The following CEP85L variants were observed in gnomAD, a reference collection of about 807,000 sequenced individuals.
CEP85L encodes the protein centrosomal protein of 85 kDa-like.
A neutral mutation model predicts 100.3 loss-of-function variants in CEP85L; 60 were observed. That is an observed-to-expected ratio of 0.60 (90% confidence interval 0.49 to 0.74). The LOEUF (loss-of-function observed/expected upper bound fraction) is 0.74. Among genes scored for constraint, CEP85L ranks in the 30% least tolerant of loss-of-function variants. The probability of loss-of-function intolerance (pLI) is 0.00; values close to 1 mark genes in which losing one functional copy is unlikely to be tolerated. For missense variants in CEP85L, 973 were observed against 936.2 expected (o/e 1.04, Z -0.51); for synonymous variants, 319 against 322.7 (o/e 0.99, Z 0.12).
rs187827922 is a variant in CEP85L at position 118,577,037 on chromosome 6, T to C, written c.233-10721A>G. ...TCCAAAATCCCACAGCCTGGGGCAG[T>C]AAGGCATGTCAAACCCTCTTGCTGC... On this transcript the variant is annotated intron_variant, in intron 2 of 12. Transcript: ENST00000368491. Among the ~76,000 whole-genome samples, 687 of 152,248 alleles carry C rather than the reference T, an allele frequency of 4.5e-3. 2 individuals carry two copies. The highest frequency in any genetic ancestry group is 6.0e-3 in the Non-Finnish European group (408 of 68,016).
chr6:118,483,976 G>T, intron 6 of CEP85L, 118 bp from the exon 7 acceptor site: 1 of 826,760 alleles, frequency 1.2e-6, no homozygotes, highest in Non-Finnish European at 1.9e-6. Context: ...TATAGCGAAG[G>T]CCACTAGCAA....
At chr6:118,670,387 C>G (rs867290448) in intron 1 of CEP85L, among the ~76,000 whole-genome samples, 7 of 152,038 alleles carry the variant, frequency 4.6e-5, no homozygotes, top group Non-Finnish European at 1.0e-4. Flanking sequence ...CTTCCACCCT[C>G]CACCCTCAAG....
At chr6:118,488,225 C>G (rs1430536570) in intron 6 of CEP85L, among the ~76,000 whole-genome samples, 1 of 151,846 alleles carries the variant, frequency 6.6e-6, no homozygotes. Flanking sequence ...GAAACCAAAT[C>G]TAATAAAACC....
At chr6:118,631,136 G>T (rs1774119355) in intron 2 of CEP85L, among the ~76,000 whole-genome samples, 1 of 152,118 alleles carries the variant, frequency 6.6e-6, no homozygotes, top group South Asian at 2.1e-4. Flanking sequence ...AGGAGATAAT[G>T]ACATTGGAGG....
intron 10 of CEP85L, among the ~76,000 whole-genome samples, chr6:118,472,856 A>T (rs185213033): frequency 6.6e-6 from 1 of 152,340 alleles, no homozygotes; most frequent in African/African-American, 2.4e-5. Flanking sequence ...CTGCCAAGGT[A>T]CTAACCTACA....
intron 3 of CEP85L, among the ~76,000 whole-genome samples, chr6:118,564,390 T>C (rs1287190579): frequency 6.6e-6 from 1 of 152,248 alleles, no homozygotes; most frequent in Non-Finnish European, 1.5e-5. Flanking sequence ...TGACAGTATT[T>C]GAAAAATTAG....
chr6:118,598,317 G>A (rs9489456), intron 2 of CEP85L, among the ~76,000 whole-genome samples: 103,440 of 152,054 alleles, frequency 0.68, 35,888 homozygotes, highest in Middle Eastern at 0.74. Context: ...GTTTAACCAC[G>A]TAGTGTGTAT....
chr6:118,577,804 C>A (rs1780329973), intron 2 of CEP85L, among the ~76,000 whole-genome samples: 1 of 152,170 alleles, frequency 6.6e-6, no homozygotes, highest in African/African-American at 2.4e-5. Flanking sequence ...TCTCTAGTCT[C>A]ACGGAAAAAT....
intron 3 of CEP85L, among the ~76,000 whole-genome samples, chr6:118,564,571 G>A (rs1029821067): frequency 2.0e-5 from 3 of 152,260 alleles, no homozygotes; most frequent in African/African-American, 7.2e-5. Context: ...TATGAATGTA[G>A]TATGTTAGGG....
chr6:118,474,470 T>TG (rs763742091), intron 10 of CEP85L, among the ~76,000 whole-genome samples: 53 of 152,250 alleles, frequency 3.5e-4, no homozygotes, highest in African/African-American at 9.9e-4. Flanking sequence ...AACCAAGAGA[T>TG]GGGGGGCTCC....
chr6:118,703,728 T>C (rs1463059264), intron 1 of CEP85L, among the ~76,000 whole-genome samples: 1 of 152,218 alleles, frequency 6.6e-6, no homozygotes, highest in Non-Finnish European at 1.5e-5. Context: ...TCTTGTATTA[T>C]ATCTGGTAGG....
At chr6:118,501,612 C>T in intron 5 of CEP85L, 1 of 604,914 alleles carries the variant, frequency 1.7e-6, no homozygotes, top group Non-Finnish European at 3.2e-6. Context: ...TGTACTAATG[C>T]CATGATTTAC....
At chr6:118,618,878 G>A (rs1353928120) in intron 2 of CEP85L, among the ~76,000 whole-genome samples, 3 of 152,114 alleles carry the variant, frequency 2.0e-5, no homozygotes, top group Non-Finnish European at 2.9e-5. Context: ...TGGTGCCCCC[G>A]ACCCAGGCCT....
intron 1 of CEP85L, among the ~76,000 whole-genome samples, chr6:118,665,618 C>A (rs1200731250): frequency 6.6e-6 from 1 of 152,130 alleles, no homozygotes; most frequent in Admixed American, 6.6e-5. Flanking sequence ...CTAGGCCTCC[C>A]AAAGTGCTGG....
intron 4 of CEP85L, among the ~76,000 whole-genome samples, chr6:118,515,967 T>C (rs1028489562): frequency 2.6e-5 from 4 of 152,192 alleles, no homozygotes; most frequent in African/African-American, 7.2e-5. Context: ...TTCTCATTGT[T>C]CAACTCCCAC....
intron 1 of CEP85L, among the ~76,000 whole-genome samples, chr6:118,704,903 T>C (rs1254463129): frequency 2.0e-5 from 3 of 152,194 alleles, no homozygotes; most frequent in East Asian, 1.9e-4. Flanking sequence ...GGCTTTTTTT[T>C]CCATTTTTAA....
chr6:118,649,060 T>C (rs1775383141), intron 1 of CEP85L, among the ~76,000 whole-genome samples: 3 of 152,206 alleles, frequency 2.0e-5, no homozygotes, highest in Admixed American at 2.0e-4. Flanking sequence ...GAGGTCATTA[T>C]CTTGACCTTC....
At chr6:118,603,963 A>G (rs555145591) in intron 2 of CEP85L, among the ~76,000 whole-genome samples, 6 of 152,262 alleles carry the variant, frequency 3.9e-5, no homozygotes, top group Non-Finnish European at 7.3e-5. Flanking sequence ...AGAATTTTAC[A>G]TAACAATTAT....
At chr6:118,497,176 G>C (rs903576516) in intron 5 of CEP85L, among the ~76,000 whole-genome samples, 2 of 152,138 alleles carry the variant, frequency 1.3e-5, no homozygotes, top group Non-Finnish European at 2.9e-5. Context: ...AAATGACAGT[G>C]GTCTTAAAAG....
Sources: allele counts gnomAD v4.1 joint callset (sites outside exome capture counted in the v4.1 genomes callset), GRCh38; gene constraint gnomAD v4.1.1; transcripts MANE v1.5; gene names NCBI Gene and HGNC (gene_info 2026-07-23, HGNC 2026-07-21).